Variants in PLCB4 observed in about 807,000 individuals in gnomAD.
PLCB4 encodes phospholipase C beta 4.
A neutral mutation model predicts 178.8 loss-of-function variants in PLCB4; 77 were observed. The observed-to-expected ratio is 0.43, with a 90% CI of 0.36 to 0.52. PLCB4 has a LOEUF of 0.52. Ranked by LOEUF, PLCB4 falls within the 20% of genes least tolerant of loss-of-function variation. PLCB4 has a pLI of 0.00. For missense variants in PLCB4, 1,024 were observed against 1,453.4 expected, an observed-to-expected ratio of 0.70 and a Z score of 4.80; for synonymous variants, 496 against 490.8, an observed-to-expected ratio of 1.01 and a Z score of -0.14.
intron 3 of PLCB4, among the ~76,000 whole-genome samples, chr20:9,263,202 T>G (rs1490736643): frequency 6.6e-6 from 1 of 152,126 alleles, no homozygotes; most frequent in Non-Finnish European, 1.5e-5. Flanking sequence ...AGGGGCAAGA[T>G]CCCAGCACAA....
intron 35 of PLCB4, among the ~76,000 whole-genome samples, chr20:9,464,317 A>G (rs1401471950): frequency 1.3e-5 from 2 of 152,252 alleles, no homozygotes; most frequent in African/African-American, 2.4e-5. Context: ...AATGCCCACA[A>G]GAGAAAGCAG....
At chr20:9,437,971 G>C (rs1568835762) in intron 30 of PLCB4, among the ~76,000 whole-genome samples, 1 of 152,136 alleles carries the variant, frequency 6.6e-6, no homozygotes, top group East Asian at 1.9e-4. Context: ...AAATCTAGTA[G>C]TCTATTTTCT....
intron 3 of PLCB4, among the ~76,000 whole-genome samples, chr20:9,269,281 A>G (rs187144532): frequency 5.6e-4 from 86 of 152,326 alleles, no homozygotes; most frequent in Non-Finnish European, 1.0e-3. Flanking sequence ...GACCTTGGCT[A>G]TGACCTCCCA....
chr20:9,337,991 G>C lies in PLCB4; in HGVS notation c.166-17G>C. 1 of 1,603,240 alleles carries C rather than the reference G, an allele frequency of 6.2e-7. No homozygotes were observed. Among genetic ancestry groups the C allele is most frequent in the Non-Finnish European group, 8.5e-7 (1 of 1,170,502 alleles). ...CATAATTTAAGCTCATTGCTGTGTT[G>C]TATTCTCTCTCTTCAGGAAGGACAG... On this transcript the variant is annotated splice_polypyrimidine_tract_variant and intron_variant, in intron 5 of 39. Coordinates refer to ENST00000378473, the MANE Select transcript of PLCB4 (RefSeq NM_001377142.1).
intron 3 of PLCB4, among the ~76,000 whole-genome samples, chr20:9,272,700 T>A (rs1227875314): frequency 6.6e-6 from 1 of 152,130 alleles, no homozygotes; most frequent in Non-Finnish European, 1.5e-5. Context: ...TTTTGAGCTT[T>A]TCTGCTCCCC....
chr20:9,162,074 A>C (rs2092897751), intron 2 of PLCB4, among the ~76,000 whole-genome samples: 1 of 151,928 alleles, frequency 6.6e-6, no homozygotes, highest in Non-Finnish European at 1.5e-5. Context: ...TTTTTTTGTC[A>C]AATCTTTTAG....
At chr20:9,462,295 G>T (rs148087127) in intron 35 of PLCB4, among the ~76,000 whole-genome samples, 1 of 152,120 alleles carries the variant, frequency 6.6e-6, no homozygotes, top group Non-Finnish European at 1.5e-5. Flanking sequence ...AGATAAAACC[G>T]CAAAGATGGG....
intron 4 of PLCB4, among the ~76,000 whole-genome samples, chr20:9,332,083 C>T (rs759773343): frequency 3.3e-5 from 5 of 152,006 alleles, no homozygotes; most frequent in African/African-American, 4.8e-5. Flanking sequence ...ATTCTGCCCA[C>T]CCCCCAAGGA....
chr20:9,465,921 T>G (rs1439334771), intron 35 of PLCB4, among the ~76,000 whole-genome samples: 1 of 152,140 alleles, frequency 6.6e-6, no homozygotes, highest in East Asian at 1.9e-4. Flanking sequence ...CTTCACAGAA[T>G]TGGAAAAAAC....
At chr20:9,167,034 T>C (rs960787816) in intron 2 of PLCB4, among the ~76,000 whole-genome samples, 3 of 152,210 alleles carry the variant, frequency 2.0e-5, no homozygotes, top group Admixed American at 6.5e-5. Flanking sequence ...TTTATTTTAA[T>C]ATCTCTTTTT....
chr20:9,287,494 A>T (rs930689985), intron 3 of PLCB4, among the ~76,000 whole-genome samples: 1 of 152,082 alleles, frequency 6.6e-6, no homozygotes, highest in Non-Finnish European at 1.5e-5. Flanking sequence ...GTATAGAGTT[A>T]ATCTCTAAGA....
intron 2 of PLCB4, among the ~76,000 whole-genome samples, chr20:9,115,340 T>G (rs2091737648): frequency 6.6e-6 from 1 of 152,062 alleles, no homozygotes; most frequent in African/African-American, 2.4e-5. Context: ...CTTCTAGGTA[T>G]AACACATATA....
intron 3 of PLCB4, among the ~76,000 whole-genome samples, chr20:9,294,737 G>A (rs758859618): frequency 2.6e-5 from 4 of 152,054 alleles, no homozygotes; most frequent in African/African-American, 9.7e-5. Context: ...TGGATACACC[G>A]TGGATTCCTG....
At chr20:9,122,444 T>A (rs956948009) in intron 2 of PLCB4, among the ~76,000 whole-genome samples, 3 of 152,190 alleles carry the variant, frequency 2.0e-5, no homozygotes, top group Non-Finnish European at 2.9e-5. Context: ...GGAAGAATTA[T>A]AAGTTATCCC....
Position 9,390,555 on chromosome 20 carries a change from C to T in PLCB4, c.1263C>T (p.Ser421=), listed in dbSNP as rs1255164898. ...HCSKYQQYKM[S]KYCEDLFGDL... is the part of the protein sequence containing the mutation. ...GCAAATATCAACAGTACAAGATGTCCAAATATTGCGAAGATCTATTTGGGG... is the reference window on the plus strand; with the variant it reads ...GCAAATATCAACAGTACAAGATGTCTAAATATTGCGAAGATCTATTTGGGG... Residue 421 remains serine, a synonymous_variant, in exon 17 of 40, where the codon TCC becomes TCT. Transcript: ENST00000378473. 6.3e-7 allele frequency: 1 copy of T among 1,587,212 alleles called. No individual in the cohort carries two copies. The highest frequency in any genetic ancestry group is 1.7e-5 in the Admixed American group (1 of 59,974).
chr20:9,206,582 T>C (rs1393045237), intron 2 of PLCB4, among the ~76,000 whole-genome samples: 1 of 152,186 alleles, frequency 6.6e-6, no homozygotes, highest in Non-Finnish European at 1.5e-5. Context: ...ACAGGGACAC[T>C]TCAGAGCAGA....
intron 2 of PLCB4, among the ~76,000 whole-genome samples, chr20:9,128,596 G>T (rs1229779371): frequency 2.6e-5 from 4 of 152,012 alleles, no homozygotes; most frequent in African/African-American, 9.7e-5. Context: ...TATTGACCAG[G>T]CTGGTCTCCA....
chr20:9,299,501 G>A (rs866660359), intron 3 of PLCB4, among the ~76,000 whole-genome samples: 2 of 151,814 alleles, frequency 1.3e-5, no homozygotes, highest in Non-Finnish European at 2.9e-5. Context: ...ATAAAAATTT[G>A]GATCAGACTC....
intron 2 of PLCB4, among the ~76,000 whole-genome samples, chr20:9,201,536 A>G (rs1279985376): frequency 6.6e-6 from 1 of 152,134 alleles, no homozygotes; most frequent in African/African-American, 2.4e-5. Context: ...AACTGTGTAA[A>G]TTTACTTAAC....
Sources: allele counts gnomAD v4.1 joint callset (sites outside exome capture counted in the v4.1 genomes callset), GRCh38; gene constraint gnomAD v4.1.1; transcripts MANE v1.5; gene names NCBI Gene and HGNC (gene_info 2026-07-23, HGNC 2026-07-21).